CSMD3: variants seen among roughly 807,000 people sequenced by gnomAD.
CSMD3 encodes CUB and Sushi multiple domains 3, also known as CUB and sushi domain-containing protein 3.
In CSMD3, 177 loss-of-function variants were observed where a neutral mutation model predicts 435.2. The observed-to-expected ratio is 0.41, with a 90% CI of 0.36 to 0.46. CSMD3 has a LOEUF of 0.46. Ranked by LOEUF, CSMD3 falls within the 20% of genes least tolerant of loss-of-function variation. CSMD3 has a pLI of 0.34. For missense variants in CSMD3, 4,265 were observed against 4,504.6 expected (o/e 0.95, Z 1.52); for synonymous variants, 1,656 against 1,520.5 (o/e 1.09, Z -2.07).
At chr8:112,825,119 T>G (rs900930257) in intron 12 of CSMD3, among the ~76,000 whole-genome samples, 1 of 152,178 alleles carries the variant, frequency 6.6e-6, no homozygotes, top group African/African-American at 2.4e-5. Context: ...CTGTGTATGA[T>G]TCACAAAGTT....
intron 31 of CSMD3, among the ~76,000 whole-genome samples, chr8:112,485,375 T>G (rs1385867804): frequency 3.9e-5 from 6 of 152,144 alleles, no homozygotes; most frequent in Non-Finnish European, 5.9e-5. Context: ...CACTAAGCAT[T>G]TGTTTTATGA....
chr8:112,927,355 T>G (rs2082944121), intron 9 of CSMD3, among the ~76,000 whole-genome samples: 2 of 152,150 alleles, frequency 1.3e-5, no homozygotes, highest in South Asian at 2.1e-4. Flanking sequence ...AATTATTTCT[T>G]TCTTATTTCC....
Position 112,337,648 on chromosome 8 carries a change from TG to T in CSMD3, c.6735del (p.Ile2246PhefsTer11). 6.2e-7 allele frequency: 1 copy of T among 1,613,600 alleles called. No individual in the cohort carries two copies. Among genetic ancestry groups the T allele is most frequent in the Non-Finnish European group, 8.5e-7 (1 of 1,179,530 alleles). On this transcript the variant is annotated frameshift_variant, in exon 43 of 71. Transcript: ENST00000297405. LOFTEE classifies it high-confidence loss of function. Reference sequence around the variant, plus strand: ...TATCCTGGGAAACATTCAAATGAAATGGTTTGACCCACAGTAAAATCATTAC... The same window carrying T: ...TATCCTGGGAAACATTCAAATGAAATGTTTGACCCACAGTAAAATCATTAC... ...VIGNDFTVGQ[T>X]ISFECFPGYT...
At chr8:113,255,911 T>C (rs2093376475) in intron 3 of CSMD3, among the ~76,000 whole-genome samples, 1 of 152,038 alleles carries the variant, frequency 6.6e-6, no homozygotes, top group Non-Finnish European at 1.5e-5. Context: ...ACAGTGTCAA[T>C]AACAAATTAA....
chr8:112,333,392 C>G (rs1235615557), intron 45 of CSMD3, among the ~76,000 whole-genome samples: 1 of 152,104 alleles, frequency 6.6e-6, no homozygotes. Context: ...GTCTCGAACT[C>G]CCGACCTCAG....
At chr8:112,332,845 C>T (rs1387767755) in intron 45 of CSMD3, among the ~76,000 whole-genome samples, 3 of 152,064 alleles carry the variant, frequency 2.0e-5, no homozygotes, top group African/African-American at 7.2e-5. Context: ...ATTATGCTAC[C>T]TGTATATTAT....
chr8:112,306,259 G>A (rs2130789575), intron 50 of CSMD3, 67 bp from the exon 51 acceptor site: 2 of 1,185,326 alleles, frequency 1.7e-6, no homozygotes. Context: ...AGGTAACTCT[G>A]CTGAACTGTA....
chr8:112,251,127 T>G (rs999879983), intron 63 of CSMD3, among the ~76,000 whole-genome samples: 1 of 151,790 alleles, frequency 6.6e-6, no homozygotes, highest in Non-Finnish European at 1.5e-5. Flanking sequence ...TATCACATGT[T>G]TGTTTAACTG....
intron 6 of CSMD3, among the ~76,000 whole-genome samples, chr8:113,016,030 T>A (rs2086443442): frequency 6.6e-6 from 1 of 151,800 alleles, no homozygotes; most frequent in African/African-American, 2.4e-5. Flanking sequence ...TATAATGACA[T>A]AATATTGAAG....
intron 1 of CSMD3, chr8:113,376,589 T>C (rs915270147): frequency 3.3e-5 from 25 of 752,706 alleles, no homozygotes; most frequent in Middle Eastern, 7.4e-4. Context: ...AAAAAATTGA[T>C]ATCCAATTTT....
In CSMD3 at chr8:113,271,817, T is replaced by A. The variant is rs2093530096; in HGVS notation, c.514+6775A>T. On this transcript the variant is annotated intron_variant, in intron 3 of 70. Transcript: ENST00000297405. ...ACTTGTACCATGTGCCTGGAAAAGC[T>A]GCAGACCCTCAATGCCAGCCAGTGA... Among the ~76,000 whole-genome samples, 3 of 152,116 alleles carry A rather than the reference T, an allele frequency of 2.0e-5. No individual in the cohort carries two copies. The South Asian group carries it at 6.2e-4, about 31-fold the overall frequency.
At chr8:112,822,053 C>T (rs1433599817) in intron 12 of CSMD3, among the ~76,000 whole-genome samples, 2 of 152,060 alleles carry the variant, frequency 1.3e-5, no homozygotes, top group East Asian at 1.9e-4. Flanking sequence ...TTTACTGTAG[C>T]CTTGTAGTAT....
chr8:112,416,385 A>G (rs1269564976), intron 32 of CSMD3, among the ~76,000 whole-genome samples: 1 of 152,188 alleles, frequency 6.6e-6, no homozygotes, highest in Admixed American at 6.5e-5. Flanking sequence ...CAAGCTATTC[A>G]GGACTGTGAA....
chr8:113,007,181 T>A lies in CSMD3; in HGVS notation c.1030+11886A>T, dbSNP rs191377729. Among the ~76,000 whole-genome samples, 142 of 152,084 alleles carry A rather than the reference T, an allele frequency of 9.3e-4. 1 individual carries two copies. Among genetic ancestry groups the A allele is most frequent in the Non-Finnish European group, 4.0e-4 (27 of 67,952 alleles). On this transcript the variant is annotated intron_variant, in intron 6 of 70. Transcript: ENST00000297405. ...AGAAAAATTTGACCTTGAATCATAT[T>A]TAGTGTTTTGATTACTCTCTAGGGC... is the stretch of plus-strand genomic sequence containing the variant.
At chr8:112,508,621 G>C (rs1822775038) in intron 28 of CSMD3, among the ~76,000 whole-genome samples, 3 of 151,924 alleles carry the variant, frequency 2.0e-5, no homozygotes, top group Non-Finnish European at 2.9e-5. Flanking sequence ...CTTCGTACCT[G>C]GTTCTCTCTA....
intron 3 of CSMD3, among the ~76,000 whole-genome samples, chr8:113,195,814 T>TATATATATATACAC (rs1344054794): frequency 2.2e-5 from 3 of 133,442 alleles, no homozygotes; most frequent in African/African-American, 8.8e-5. Flanking sequence ...TATATATATA[T>TATATATATATACAC]ACACACACAC....
At chr8:112,370,518 C>T (rs73700673) in intron 38 of CSMD3, among the ~76,000 whole-genome samples, 87 of 152,150 alleles carry the variant, frequency 5.7e-4, no homozygotes, top group African/African-American at 2.0e-3. Flanking sequence ...ATTTAATTTC[C>T]TACTACCTCA....
chr8:113,346,885 T>C (rs2094155280), intron 1 of CSMD3, among the ~76,000 whole-genome samples: 2 of 152,272 alleles, frequency 1.3e-5, no homozygotes, highest in South Asian at 2.1e-4. Context: ...ATGAATAAAA[T>C]ACTGAGATTT....
chr8:113,317,631 A>C (rs1475731801), intron 1 of CSMD3, among the ~76,000 whole-genome samples: 2 of 152,144 alleles, frequency 1.3e-5, no homozygotes, highest in African/African-American at 4.8e-5. Context: ...TTTTTCCAGA[A>C]AGGAGTTTTA....
Sources: allele counts gnomAD v4.1 joint callset (sites outside exome capture counted in the v4.1 genomes callset), GRCh38; gene constraint gnomAD v4.1.1; transcripts MANE v1.5; gene names NCBI Gene and HGNC (gene_info 2026-07-23, HGNC 2026-07-21).